The following GABPB1 variants were observed in gnomAD, a reference collection of about 807,000 sequenced individuals.
GABPB1 encodes GA binding protein transcription factor subunit beta 1.
In GABPB1, 15 loss-of-function variants were observed where a neutral mutation model predicts 45.9. The observed-to-expected ratio is 0.33, with a 90% CI of 0.22 to 0.50. The LOEUF (loss-of-function observed/expected upper bound fraction) is 0.50, where lower values mean the gene tolerates loss of function less well. Ranked by LOEUF, GABPB1 falls within the 20% of genes least tolerant of loss-of-function variation. GABPB1 has a pLI of 0.98. For missense variants in GABPB1, 252 were observed against 457.5 expected (o/e 0.55, Z 4.10); for synonymous variants, 143 against 154.4 (o/e 0.93, Z 0.55).
chr15:50,354,117 T>C, intron 1 of GABPB1: 1 of 303,828 alleles, frequency 3.3e-6, no homozygotes, highest in Middle Eastern at 6.1e-4. Context: ...CCCTTGAGGC[T>C]AGGCACGCTG....
intron 1 of GABPB1, among the ~76,000 whole-genome samples, chr15:50,323,390 G>T (rs1595804483): frequency 6.6e-6 from 1 of 152,108 alleles, no homozygotes; most frequent in East Asian, 1.9e-4. Context: ...ACAGGCCCCA[G>T]AAGACAACAT....
chr15:50,317,251 A>G (rs1431052981), intron 1 of GABPB1, among the ~76,000 whole-genome samples: 1 of 151,788 alleles, frequency 6.6e-6, no homozygotes, highest in African/African-American at 2.4e-5. Flanking sequence ...AAAAAATTAA[A>G]AGAATTAGCT....
chr15:50,308,333 AG>A (rs2047015621), intron 2 of GABPB1, among the ~76,000 whole-genome samples: 1 of 152,212 alleles, frequency 6.6e-6, no homozygotes, highest in South Asian at 2.1e-4. Context: ...AGACTACACA[AG>A]TATTTATGAG....
chr15:50,339,393 G>A (rs923998702), intron 1 of GABPB1, among the ~76,000 whole-genome samples: 1 of 151,992 alleles, frequency 6.6e-6, no homozygotes, highest in Non-Finnish European at 1.5e-5. Context: ...CAGCTATCTG[G>A]TAGGCTGAGG....
intron 1 of GABPB1, among the ~76,000 whole-genome samples, chr15:50,311,455 T>C (rs1008978236): frequency 4.6e-5 from 7 of 152,178 alleles, no homozygotes; most frequent in African/African-American, 1.7e-4. Context: ...GCAGGTTGAT[T>C]AGTGTATCTC....
chr15:50,347,800 A>T (rs2048650237), intron 1 of GABPB1, among the ~76,000 whole-genome samples: 4 of 152,204 alleles, frequency 2.6e-5, no homozygotes, highest in Admixed American at 2.6e-4. Flanking sequence ...TTATACCTGT[A>T]ATCTCAGCAC....
chr15:50,318,487 T>C (rs888915322), intron 1 of GABPB1, among the ~76,000 whole-genome samples: 9 of 152,106 alleles, frequency 5.9e-5, no homozygotes, highest in African/African-American at 2.2e-4. Context: ...CATATACCCC[T>C]TTTTCAGAAA....
intron 7 of GABPB1, among the ~76,000 whole-genome samples, chr15:50,286,788 C>A (rs781182716): frequency 3.9e-4 from 59 of 152,068 alleles, no homozygotes; most frequent in Non-Finnish European, 7.2e-4. Flanking sequence ...GGCTTTTTCT[C>A]AATTTTTAGT....
At chr15:50,328,347 C>T (rs1438839156) in intron 1 of GABPB1, among the ~76,000 whole-genome samples, 4 of 152,058 alleles carry the variant, frequency 2.6e-5, no homozygotes, top group African/African-American at 9.7e-5. Context: ...TCTACCTCTC[C>T]CGTTTTTCTC....
chr15:50,319,809 G>A (rs2047493037), intron 1 of GABPB1, among the ~76,000 whole-genome samples: 1 of 152,074 alleles, frequency 6.6e-6, no homozygotes, highest in Non-Finnish European at 1.5e-5. Context: ...CTGCACTCCA[G>A]CCCAGGCGAC....
chr15:50,323,652 A>G (rs10152534), intron 1 of GABPB1, among the ~76,000 whole-genome samples: 99,193 of 152,104 alleles, frequency 0.65, 33,683 homozygotes, highest in African/African-American at 0.83. Flanking sequence ...TTGAGCCCAG[A>G]AGCTCAAGAC....
At chr15:50,354,962 G>A (rs1259173625) in intron 1 of GABPB1, 23 bp downstream of exon 1, 1 of 198,730 alleles carries the variant, frequency 5.0e-6, no homozygotes, top group Non-Finnish European at 1.0e-5. Context: ...TGGTAACAGG[G>A]CCCTACACAG....
intron 6 of GABPB1, among the ~76,000 whole-genome samples, chr15:50,295,874 T>C (rs554946918): frequency 3.1e-4 from 47 of 152,290 alleles, no homozygotes; most frequent in African/African-American, 1.1e-3. Flanking sequence ...CCTGCTGTTA[T>C]ATTTGCTTAT....
chr15:50,339,519 C>T (rs1245899875), intron 1 of GABPB1, among the ~76,000 whole-genome samples: 2 of 151,320 alleles, frequency 1.3e-5, no homozygotes, highest in Non-Finnish European at 2.9e-5. Context: ...AAAAAAACTT[C>T]TTGAAACCAT....
At chr15:50,336,501 T>A (rs913289210) in intron 1 of GABPB1, among the ~76,000 whole-genome samples, 1 of 151,476 alleles carries the variant, frequency 6.6e-6, no homozygotes, top group African/African-American at 2.4e-5. Flanking sequence ...TAAGACTCCA[T>A]CTCTACAAAA....
chr15:50,304,143 A>G lies in GABPB1; in HGVS notation c.109-10T>C. The G allele has an allele frequency of 6.4e-7, 1 of 1,556,386 alleles. No individual in the cohort carries two copies. The highest frequency in any genetic ancestry group is 8.6e-7 in the Non-Finnish European group (1 of 1,157,274). ...GTGGAGAAGTTCCCAGCTGTACCAC[A>G]GAAAAAAAAAAAAATCCACATTTAC... On this transcript the variant is annotated splice_polypyrimidine_tract_variant and intron_variant, in intron 2 of 8. Coordinates refer to ENST00000380877, the MANE Select transcript of GABPB1 (RefSeq NM_016654.5).
In GABPB1 at chr15:50,286,092, G is replaced by T. The variant is rs756844700; in HGVS notation, c.975C>A (p.Asn325Lys). 6.2e-7 allele frequency: 1 copy of T among 1,612,240 alleles called. No homozygotes were observed. The highest frequency in any genetic ancestry group is 8.5e-7 in the Non-Finnish European group (1 of 1,179,152). Residue 325 changes from asparagine to lysine, a missense_variant, in exon 8 of 9, where the codon AAC becomes AAA. By Grantham distance (94) the Asn-to-Lys change is moderately conservative. Coordinates refer to ENST00000380877, the MANE Select transcript of GABPB1 (RefSeq NM_016654.5). ...CTTCTATTTCTGCAGATTCCACCCG[G>T]TTTTCAATTATTTCGATACATTGTC... is the stretch of plus-strand genomic sequence containing the variant. ...AKRQCIEIIE[N>K]RVESAEIEER...
At chr15:50,286,730 G>A (rs1214110047) in intron 7 of GABPB1, among the ~76,000 whole-genome samples, 1 of 152,056 alleles carries the variant, frequency 6.6e-6, no homozygotes, top group African/African-American at 2.4e-5. Context: ...ATTCCATTAT[G>A]AGCACTGATA....
intron 6 of GABPB1, among the ~76,000 whole-genome samples, chr15:50,292,245 C>T (rs902051409): frequency 2.3e-5 from 3 of 130,146 alleles, no homozygotes; most frequent in Admixed American, 9.2e-5. Context: ...ACCCGGGAGG[C>T]GGAGCTTGCA....
Sources: gnomAD v4.1 joint callset for allele counts (sites outside exome capture counted in the v4.1 genomes callset) on GRCh38, gnomAD v4.1.1 for gene constraint, MANE v1.5 for transcripts, NCBI Gene and HGNC (gene_info 2026-07-23, HGNC 2026-07-21) for gene names.